BCAS3: variants seen among roughly 807,000 people sequenced by gnomAD.
The protein encoded by BCAS3 is BCAS3 microtubule associated cell migration factor.
In BCAS3, 53 loss-of-function variants were observed where a neutral mutation model predicts 116.1. The ratio of observed to expected loss-of-function variants is 0.46; its 90% CI spans 0.37 to 0.57. The LOEUF is 0.57. Among genes scored for constraint, BCAS3 ranks in the 20% least tolerant of loss-of-function variants. BCAS3 has a pLI of 0.00. For synonymous variants in BCAS3, 391 were observed against 408.2 expected, an observed-to-expected ratio of 0.96 and a Z score of 0.51; for missense variants, 917 against 1,165.4, an observed-to-expected ratio of 0.79 and a Z score of 3.10.
At chr17:61,039,497 A>G (rs2067330924) in intron 18 of BCAS3, among the ~76,000 whole-genome samples, 1 of 151,262 alleles carries the variant, frequency 6.6e-6, no homozygotes, top group African/African-American at 2.4e-5. Flanking sequence ...ATCTCGGCTC[A>G]CTGCAAGCTC....
In BCAS3 at chr17:60,684,041, G is replaced by T; in HGVS notation, c.138+5G>T. ...CTGCAGGATGTTGTGCCACAGGTAAGTGTCTATATGTGCTTTCGCCTTTCC... is the reference window on the plus strand; with the variant it reads ...CTGCAGGATGTTGTGCCACAGGTAATTGTCTATATGTGCTTTCGCCTTTCC... On this transcript the variant is annotated splice_donor_5th_base_variant and intron_variant, in intron 3 of 23. Transcript: ENST00000407086. The T allele has an allele frequency of 1.2e-6, 2 of 1,613,184 alleles. No homozygotes were observed. Among genetic ancestry groups the T allele is most frequent in the Non-Finnish European group, 1.7e-6 (2 of 1,179,394 alleles).
Position 60,994,180 on chromosome 17 carries a change from A to G in BCAS3, c.1486+3945A>G, listed in dbSNP as rs959632321. Among the ~76,000 whole-genome samples, 2 of 152,126 alleles carry G rather than the reference A, an allele frequency of 1.3e-5. No homozygotes were observed. Among genetic ancestry groups the G allele is most frequent in the African/African-American group, 4.8e-5 (2 of 41,452 alleles). ...TCATATCACTTTATATATGAAATAT[A>G]TATCTTGAAGTATCTTGCATTATTG... is the stretch of plus-strand genomic sequence containing the variant. On this transcript the variant is annotated intron_variant, in intron 15 of 23. Transcript: ENST00000407086. The surrounding 1 kb of genome is among the most constrained non-coding windows in gnomAD (Gnocchi z 4.4).
At chr17:60,955,525 G>T (rs2061083908) in intron 14 of BCAS3, among the ~76,000 whole-genome samples, 1 of 151,540 alleles carries the variant, frequency 6.6e-6, no homozygotes, top group Non-Finnish European at 1.5e-5. Context: ...ATTACAGGCA[G>T]ACGCCACCAA....
At chr17:61,253,328 G>C (rs1388601889) in intron 22 of BCAS3, among the ~76,000 whole-genome samples, 3 of 151,356 alleles carry the variant, frequency 2.0e-5, no homozygotes, top group Non-Finnish European at 4.4e-5. Context: ...CGAGGCAGGC[G>C]GATCACCTGA....
intron 15 of BCAS3, among the ~76,000 whole-genome samples, chr17:61,011,351 G>T (rs2065102858): frequency 6.6e-6 from 1 of 152,030 alleles, no homozygotes; most frequent in South Asian, 2.1e-4. Context: ...GAAGAGGCTT[G>T]AGGTTTAATG....
chr17:61,384,895 C>T (rs1356973929), intron 23 of BCAS3, among the ~76,000 whole-genome samples: 1 of 152,200 alleles, frequency 6.6e-6, no homozygotes, highest in African/African-American at 2.4e-5. Flanking sequence ...GGGAGCCCCA[C>T]ACTGCAGGGT....
At chr17:60,684,180 CATT>C in intron 3 of BCAS3, 144 bp downstream of exon 3, 1 of 693,540 alleles carries the variant, frequency 1.4e-6, no homozygotes, top group Non-Finnish European at 2.5e-6. Flanking sequence ...GGTGGGACTA[CATT>C]ATTGTTTAGA....
intron 14 of BCAS3, among the ~76,000 whole-genome samples, chr17:60,953,660 G>A (rs1198162413): frequency 6.6e-6 from 1 of 151,310 alleles, no homozygotes; most frequent in Non-Finnish European, 1.5e-5. Flanking sequence ...GTCCAGAATG[G>A]TATTGCCTAG....
At chr17:61,254,894 T>C (rs1042195324) in intron 22 of BCAS3, among the ~76,000 whole-genome samples, 21 of 151,812 alleles carry the variant, frequency 1.4e-4, no homozygotes, top group African/African-American at 5.1e-4. Context: ...AACAAAACCA[T>C]TACCTGGAAA....
Position 61,219,181 on chromosome 17 carries a change from G to T in BCAS3, c.2425+134617G>T, listed in dbSNP as rs2081972240. Among the ~76,000 whole-genome samples, 1 of 152,106 alleles carries T rather than the reference G, an allele frequency of 6.6e-6. No individual in the cohort carries two copies. The highest frequency in any genetic ancestry group is 2.1e-4 in the South Asian group (1 of 4,818). On this transcript the variant is annotated intron_variant, in intron 22 of 23. Transcript: ENST00000407086. This position sits in a 1 kb window ranked among gnomAD's most constrained non-coding sequence, Gnocchi z 5.2. ...TTGAGAAGTGTTCACTCTTCTTATGGGGGACGAAGGTGAGTAGATGATGGT... is the reference window on the plus strand; with the variant it reads ...TTGAGAAGTGTTCACTCTTCTTATGTGGGACGAAGGTGAGTAGATGATGGT...
intron 22 of BCAS3, among the ~76,000 whole-genome samples, chr17:61,127,358 TGTAA>T (rs199535802): frequency 0.015 from 2,349 of 152,122 alleles, 58 homozygotes; most frequent in African/African-American, 0.054. Context: ...TGTTTTCTCG[TGTAA>T]GTGAGGGTTT....
rs1362373202 is a variant in BCAS3, at chr17:61,139,290, A to G, written c.2425+54726A>G. The stretch of plus-strand genomic sequence containing the variant: ...AAAGTGTGAAGATTTTTTTTTCTTC[A>G]TTTCCTGATTTGCTTCTTTAAGGAA... On this transcript the variant is annotated intron_variant, in intron 22 of 23. Transcript: ENST00000407086. This position sits in a 1 kb window ranked among gnomAD's most constrained non-coding sequence, Gnocchi z 4.7. 8.6e-5 allele frequency among the ~76,000 whole-genome samples: 13 copies of G among 151,936 alleles called. No individual in the cohort carries two copies. The highest frequency in any genetic ancestry group is 7.9e-4 in the Admixed American group (12 of 15,268).
intron 15 of BCAS3, chr17:61,003,831 T>C (rs1177572449): frequency 6.6e-6 from 1 of 152,166 alleles, no homozygotes; most frequent in African/African-American, 2.4e-5. Flanking sequence ...AGGAACTGAT[T>C]GGAAGCTTTT....
At chr17:61,044,670 T>C (rs768323570) in intron 19 of BCAS3, among the ~76,000 whole-genome samples, 16 of 151,758 alleles carry the variant, frequency 1.1e-4, no homozygotes, top group South Asian at 2.1e-4. Context: ...TGAAAAGACC[T>C]GGGTTCTAGT....
At chr17:60,692,987 G>A (rs549810373) in intron 4 of BCAS3, among the ~76,000 whole-genome samples, 111 of 151,894 alleles carry the variant, frequency 7.3e-4, no homozygotes, top group Non-Finnish European at 3.7e-4. Context: ...AGACATAACA[G>A]CCAATTTCCC....
chr17:61,093,601 A>AT, intron 22 of BCAS3, among the ~76,000 whole-genome samples: 2 of 152,290 alleles, frequency 1.3e-5, no homozygotes, highest in East Asian at 1.9e-4. Context: ...ACAAAAAAAA[A>AT]TTTTATTTTG....
At chr17:60,699,512 C>T (rs937830512) in intron 4 of BCAS3, among the ~76,000 whole-genome samples, 15 of 152,264 alleles carry the variant, frequency 9.9e-5, no homozygotes, top group South Asian at 6.2e-4. Flanking sequence ...TGAGCCACCA[C>T]GCCCAGCCAA....
chr17:61,273,362 T>C (rs2144639298), intron 22 of BCAS3, among the ~76,000 whole-genome samples: 1 of 152,228 alleles, frequency 6.6e-6, no homozygotes, highest in Admixed American at 6.5e-5. Context: ...CTGAATATAA[T>C]GCTGCATTTA....
In BCAS3 at chr17:61,132,315, G is replaced by A. The variant is rs1247942155; in HGVS notation, c.2425+47751G>A. 6.6e-6 allele frequency among the ~76,000 whole-genome samples: 1 copy of A among 152,146 alleles called. No individual in the cohort carries two copies. The highest frequency in any genetic ancestry group is 1.5e-5 in the Non-Finnish European group (1 of 68,024). On this transcript the variant is annotated intron_variant, in intron 22 of 23. Transcript: ENST00000407086. This position sits in a 1 kb window ranked among gnomAD's most constrained non-coding sequence, Gnocchi z 5.1. ...AAGTTTCAAATCTAGTGTTAAGTCC[G>A]TAACTGAAGGCACCATTCCAAAACT...
Sources: gnomAD v4.1 joint callset for allele counts (sites outside exome capture counted in the v4.1 genomes callset) on GRCh38, gnomAD v4.1.1 for gene constraint, Gnocchi (gnomAD v3.1) non-coding constraint, MANE v1.5 for transcripts, NCBI Gene and HGNC (gene_info 2026-07-23, HGNC 2026-07-21) for gene names.